PHKA1: variants seen among roughly 807,000 people sequenced by gnomAD.
The protein encoded by PHKA1 is phosphorylase kinase regulatory subunit alpha 1, also known as phosphorylase b kinase regulatory subunit alpha, skeletal muscle isoform.
PHKA1 carries 60 observed loss-of-function variants against 110.2 expected under a neutral mutation model. The ratio of observed to expected loss-of-function variants is 0.54; its 90% CI spans 0.44 to 0.68. The LOEUF (loss-of-function observed/expected upper bound fraction) is 0.68, where lower values mean the gene tolerates loss of function less well. Ranked by LOEUF, PHKA1 falls within the 30% of genes least tolerant of loss-of-function variation. The pLI is 0.00. For synonymous variants in PHKA1, 316 were observed against 333.6 expected (o/e 0.95, Z 0.58); for missense variants, 801 against 942.5 (o/e 0.85, Z 1.97).
At chrX:72,697,560 G>A (rs2054141275) in intron 3 of PHKA1, among the ~76,000 whole-genome samples, 1 of 106,908 alleles carries the variant, frequency 9.4e-6, no homozygotes, top group Non-Finnish European at 1.9e-5. Context: ...TCTTTTTTTT[G>A]AGCAAAAGTT....
At chrX:72,665,166 G>A (rs1456611571) in intron 8 of PHKA1, among the ~76,000 whole-genome samples, 1 of 110,802 alleles carries the variant, frequency 9.0e-6, no homozygotes, top group Non-Finnish European at 1.9e-5. Flanking sequence ...GCCAGACTAA[G>A]AATAAAAGAC....
intron 16 of PHKA1, among the ~76,000 whole-genome samples, chrX:72,627,323 G>A (rs782668041): frequency 8.9e-6 from 1 of 112,197 alleles, no homozygotes; most frequent in African/African-American, 3.2e-5. Context: ...AGTGTCTGAT[G>A]GCAGAACACT....
intron 29 of PHKA1, among the ~76,000 whole-genome samples, chrX:72,585,091 T>A (rs1344099129): frequency 9.0e-6 from 1 of 110,721 alleles, no homozygotes; most frequent in Non-Finnish European, 1.9e-5. Context: ...CTTATACAAG[T>A]AATTTCCAAA....
chrX:72,627,176 T>C lies in PHKA1; in HGVS notation c.1715-127A>G, dbSNP rs35359441. On this transcript the variant is annotated intron_variant, in intron 16 of 31. Coordinates refer to ENST00000373542, the MANE Select transcript of PHKA1 (RefSeq NM_002637.4). ...CAAATGAGACACTCCTCATTGACCA[T>C]CCTGATTTTAACAATTCATCTGAGA... 0.097 allele frequency: 51,794 copies of C among 534,760 alleles called. 7,072 individuals are homozygous for C. The highest frequency in any genetic ancestry group is 0.68 in the East Asian group (19,222 of 28,085). The allele number at this position is 534,760 out of a possible 1,213,427, so 44.1% of individuals were successfully genotyped here.
At chrX:72,594,665 G>T in intron 28 of PHKA1, among the ~76,000 whole-genome samples, 1 of 112,349 alleles carries the variant, frequency 8.9e-6, no homozygotes, top group South Asian at 3.7e-4. Context: ...TTCTTGGCTC[G>T]TGGTGCATGG....
At position 72,713,698 on chromosome X, in the gene PHKA1, ACACC is replaced by A. The variant is rs1319250298; in HGVS notation, c.78+101_78+104del. ...CACACACACACACACACACACACAC[ACACC>A]CACACACGCACGCACGCACGGAGTT... is the stretch of plus-strand genomic sequence containing the variant. On this transcript the variant is annotated intron_variant, in intron 1 of 31. Transcript: ENST00000373542. The A allele has an allele frequency of 1.1e-4, 68 of 613,950 alleles. No homozygotes were observed. The African/African-American group carries it at 1.4e-3, about 13-fold the overall frequency. 50.6% of individuals were successfully genotyped at this position (613,950 alleles called of 1,213,427 possible).
intron 17 of PHKA1, among the ~76,000 whole-genome samples, chrX:72,624,857 A>G (rs959915034): frequency 8.9e-6 from 1 of 111,904 alleles, no homozygotes; most frequent in African/African-American, 3.3e-5. Context: ...CCAAATCCAA[A>G]TTGTGAGATG....
At chrX:72,687,567 C>T (rs1405255339) in intron 4 of PHKA1, among the ~76,000 whole-genome samples, 3 of 111,067 alleles carry the variant, frequency 2.7e-5, no homozygotes, top group African/African-American at 9.8e-5. Context: ...ACTGTTCTTT[C>T]AAGTTCCAGC....
chrX:72,638,906 A>G (rs923094534), intron 14 of PHKA1, among the ~76,000 whole-genome samples: 7 of 111,841 alleles, frequency 6.3e-5, no homozygotes, highest in Non-Finnish European at 1.3e-4. Context: ...AACTGCACAG[A>G]GAATAGTGAG....
At chrX:72,653,552 G>GA in intron 10 of PHKA1, 22 bp from the exon 11 acceptor site, 9 of 1,073,398 alleles carry the variant, frequency 8.4e-6, no homozygotes, top group Non-Finnish European at 1.2e-5. Context: ...AGAAAGGCAG[G>GA]AAAAAAAGAC....
chrX:72,581,306 C>G, intron 31 of PHKA1, 131 bp from the exon 32 acceptor site: 1 of 494,467 alleles, frequency 2.0e-6, no homozygotes, highest in Non-Finnish European at 3.6e-6. Context: ...GACTGTTTAT[C>G]CAGGAAGAAA....
chrX:72,693,740 A>G (rs2054069741), intron 4 of PHKA1, among the ~76,000 whole-genome samples: 1 of 111,497 alleles, frequency 9.0e-6, no homozygotes, highest in Non-Finnish European at 1.9e-5. Flanking sequence ...GCTGGAGAGG[A>G]TGTATCTCCT....
intron 5 of PHKA1, among the ~76,000 whole-genome samples, chrX:72,682,299 C>T (rs2053904117): frequency 1.0e-5 from 1 of 96,910 alleles, no homozygotes; most frequent in African/African-American, 3.8e-5. Context: ...GGGGGGTCAG[C>T]CCCCCTGCCC....
intron 8 of PHKA1, among the ~76,000 whole-genome samples, chrX:72,658,623 C>A (rs2053525498): frequency 9.0e-6 from 1 of 111,421 alleles, no homozygotes; most frequent in Non-Finnish European, 1.9e-5. Flanking sequence ...ATGACAGTTC[C>A]TCAGTCCTTC....
In PHKA1 at chrX:72,609,638, T is replaced by C. The variant is rs782115638; in HGVS notation, c.2592A>G (p.Glu864=). The change falls in exon 23 of 32, where the codon GAA becomes GAG. Residue 864 remains glutamate, a synonymous_variant. Transcript: ENST00000373542. The part of the protein sequence containing the change: ...LTVGLPPEPR[E]KTISAPLPYE... ...GCCATACTCACGCAGAGATAGTCTT[T>C]TCTCGAGGTTCTGGAGGAAGTCCTA... 1 of 1,202,096 alleles carries C rather than the reference T, an allele frequency of 8.3e-7. No homozygotes were observed. Among genetic ancestry groups the C allele is most frequent in the South Asian group, 1.8e-5 (1 of 56,754 alleles).
chrX:72,686,379 C>A (rs1319797483), intron 4 of PHKA1, among the ~76,000 whole-genome samples: 1 of 112,314 alleles, frequency 8.9e-6, no homozygotes, highest in Non-Finnish European at 1.9e-5. Context: ...CATGTACAAA[C>A]ATTACACAAA....
intron 14 of PHKA1, among the ~76,000 whole-genome samples, chrX:72,643,284 T>C (rs782143549): frequency 2.7e-5 from 3 of 111,241 alleles, no homozygotes; most frequent in Admixed American, 9.6e-5. Flanking sequence ...CACACACATA[T>C]ACAAACTAAC....
rs1556200167 is a variant in PHKA1 at position 72,580,978 on chromosome X, C to T, written c.*24G>A. The T allele has an allele frequency of 2.5e-6, 3 of 1,201,179 alleles. No individual in the cohort carries two copies. The highest frequency in any genetic ancestry group is 4.4e-5 in the Admixed American group (2 of 45,777). ...GGCAGGGACCAGCTGTCAAAAGGCT[C>T]CCAGAAGCCAGGAACCAAAGCCCTC... On this transcript the variant is annotated 3_prime_UTR_variant, in exon 32 of 32. Transcript: ENST00000373542.
At position 72,645,570 on chromosome X, in the gene PHKA1, A is replaced by G. The variant is rs956706350; in HGVS notation, c.1325-1074T>C. The stretch of plus-strand genomic sequence containing the variant: ...ACTTCTAACTGAAAACATGAAAATA[A>G]AAGAGATTCTTCAGGGAAAAATATG... On this transcript the variant is annotated intron_variant, in intron 13 of 31. Transcript: ENST00000373542. 3.6e-5 allele frequency among the ~76,000 whole-genome samples: 4 copies of G among 112,208 alleles called. No individual in the cohort carries two copies. In the East Asian group the frequency reaches 1.1e-3, roughly 31 times the overall value.
Sources: allele counts gnomAD v4.1 joint callset (sites outside exome capture counted in the v4.1 genomes callset), GRCh38; gene constraint gnomAD v4.1.1; transcripts MANE v1.5; gene names NCBI Gene and HGNC (gene_info 2026-07-23, HGNC 2026-07-21).